The following GNB3 variants were observed in gnomAD, a reference collection of about 807,000 sequenced individuals.
The protein encoded by GNB3 is guanine nucleotide-binding protein G(I)/G(S)/G(T) subunit beta-3.
A neutral mutation model predicts 41.2 loss-of-function variants in GNB3; 33 were observed. That is an observed-to-expected ratio of 0.80 (90% CI 0.61 to 1.07). The LOEUF (loss-of-function observed/expected upper bound fraction) is 1.07. Among genes scored for constraint, GNB3 ranks in the 50% least tolerant of loss-of-function variants. The pLI, the probability that GNB3 is intolerant of heterozygous loss-of-function variation, is 0.00. For synonymous variants in GNB3, 172 were observed against 173.4 expected, an observed-to-expected ratio of 0.99 and a Z score of 0.06; for missense variants, 409 against 455.3, an observed-to-expected ratio of 0.90 and a Z score of 0.92.
chr12:6,844,984 GCCTCAAAAAT>G (rs1565519816), intron 8 of GNB3: 1 of 152,234 alleles, frequency 6.6e-6, no homozygotes, highest in Admixed American at 6.5e-5. Flanking sequence ...TTCACCAATA[GCCTCAAAAAT>G]GTCCATAATA....
Position 6,842,977 on chromosome 12 carries a change from C to T in GNB3, c.104C>T (p.Ser35Phe). ...CADVTLAELV[S>F]GLEVVGRVQM... ...GTGCCCCTCTCTCTGCAGCTGGTGTCTGGCCTAGAGGTGGTGGGACGAGTC... is the reference window on the plus strand; with the variant it reads ...GTGCCCCTCTCTCTGCAGCTGGTGTTTGGCCTAGAGGTGGTGGGACGAGTC... Residue 35 changes from serine (S) to phenylalanine (F), a missense_variant, in exon 4 of 10, where the codon TCT becomes TTT. Physicochemically the swap from Ser to Phe is radical, Grantham distance 155 (BLOSUM62 -2). Transcript: ENST00000229264. 6.5e-7 allele frequency: 1 copy of T among 1,535,916 alleles called. No individual in the cohort carries two copies. The highest frequency in any genetic ancestry group is 1.3e-5 in the South Asian group (1 of 79,688).
At chr12:6,845,965 A>G (rs1943688876) in intron 9 of GNB3, 163 bp downstream of exon 9, 4 of 617,220 alleles carry the variant, frequency 6.5e-6, no homozygotes, top group South Asian at 1.9e-5. Flanking sequence ...TTGGTTCCCA[A>G]CTAGGACTGT....
In GNB3 at chr12:6,840,974, A is replaced by C; in HGVS notation, c.-90A>C. The C allele has an allele frequency of 2.2e-6, 1 of 454,356 alleles. No individual in the cohort carries two copies. 28.1% of individuals were successfully genotyped at this position (454,356 alleles called of 1,614,324 possible). A position where few individuals can be genotyped will look rare whatever the true frequency, so the allele number is the denominator to read the frequency against. The stretch of plus-strand genomic sequence containing the variant: ...CGGGCGCGGGCGTCGCAGCTGAGGG[A>C]GTAAGGAGGCTCCCAGGAACCGGAG... On this transcript the variant is annotated 5_prime_UTR_variant, in exon 1 of 10. Coordinates refer to ENST00000229264, the MANE Select transcript of GNB3 (RefSeq NM_002075.4).
intron 3 of GNB3, among the ~76,000 whole-genome samples, chr12:6,842,522 G>C (rs782776645): frequency 6.6e-6 from 1 of 152,230 alleles, no homozygotes; most frequent in Non-Finnish European, 1.5e-5. Flanking sequence ...ACAGATTTCA[G>C]GAGGTACAGT....
In GNB3 at chr12:6,843,932, G is replaced by A. The variant is rs782673755; in HGVS notation, c.653G>A (p.Cys218Tyr). ...CTCTGGGATGTGCGAGAGGGGACCT[G>A]CCGTCAGACTTTCACTGGCCACGAG... ...AKLWDVREGT[C>Y]RQTFTGHESD... Residue 218 changes from cysteine (C) to tyrosine (Y), a missense_variant, in exon 8 of 10, where the codon TGC (cysteine) becomes TAC (tyrosine). Cys to Tyr is a radical substitution (Grantham distance 194). Transcript: ENST00000229264. This position sits in a 1 kb window ranked among gnomAD's most constrained non-coding sequence, Gnocchi z 5.9. The A allele has an allele frequency of 1.2e-6, 2 of 1,613,876 alleles. No homozygotes were observed. The highest frequency in any genetic ancestry group is 1.1e-5 in the South Asian group (1 of 91,070).
chr12:6,843,096 C>T lies in GNB3; in HGVS notation c.203+20C>T, dbSNP rs781784104. ...TTCTAAGTGAGGCTTGGGGGGGAAC[C>T]GAGAATGGGAGGGTGAGAGCGGGAG... is the stretch of plus-strand genomic sequence containing the variant. On this transcript the variant is annotated intron_variant, in intron 4 of 9. Transcript: ENST00000229264. This position sits in a 1 kb window ranked among gnomAD's most constrained non-coding sequence, Gnocchi z 5.9. The T allele has an allele frequency of 7.9e-5, 126 of 1,601,422 alleles. No individual in the cohort carries two copies. The highest frequency in any genetic ancestry group is 8.6e-5 in the Non-Finnish European group (101 of 1,169,458).
chr12:6,843,421 G>A lies in GNB3; in HGVS notation c.326G>A (p.Gly109Glu). 1 of 1,614,082 alleles carries A rather than the reference G, an allele frequency of 6.2e-7. No homozygotes were observed. The highest frequency in any genetic ancestry group is 8.5e-7 in the Non-Finnish European group (1 of 1,179,914). ...WVMTCAYAPS[G>E]NFVACGGLDN... is the part of the protein sequence containing the mutation. Reference sequence around the variant, plus strand: ...ATGACCTGTGCCTATGCCCCATCAGGGAACTTTGTGGCATGTGGGGGGCTG... The same window carrying A: ...ATGACCTGTGCCTATGCCCCATCAGAGAACTTTGTGGCATGTGGGGGGCTG... Residue 109 changes from glycine to glutamate, a missense_variant, in exon 6 of 10, where the codon GGG becomes GAG. Gly to Glu is a moderately conservative substitution (Grantham distance 98). Transcript: ENST00000229264. This position sits in a 1 kb window ranked among gnomAD's most constrained non-coding sequence, Gnocchi z 5.9.
intron 2 of GNB3, 120 bp from the exon 3 acceptor site, chr12:6,841,466 C>A: frequency 8.3e-7 from 1 of 1,197,960 alleles, no homozygotes; most frequent in Non-Finnish European, 1.2e-6. Flanking sequence ...ACTTTCTAAA[C>A]TTGGTTCGCA....
At position 6,846,935 on chromosome 12, in the gene GNB3, C is replaced by A; in HGVS notation, c.*37C>A. 8.5e-7 allele frequency: 1 copy of A among 1,177,528 alleles called. No homozygotes were observed. Among genetic ancestry groups the A allele is most frequent in the Non-Finnish European group, 1.2e-6 (1 of 804,438 alleles). 72.9% of individuals were successfully genotyped at this position (1,177,528 alleles called of 1,614,324 possible). On this transcript the variant is annotated 3_prime_UTR_variant, in exon 10 of 10. Coordinates refer to ENST00000229264, the MANE Select transcript of GNB3 (RefSeq NM_002075.4). ...AAAGGGAAGTGGAAGGCAGTGAACA[C>A]ACTCAGCAGCCCCCTGCCCGACCCC...
At chr12:6,842,920 C>G in intron 3 of GNB3, 50 bp from the exon 4 acceptor site, 1 of 1,216,166 alleles carries the variant, frequency 8.2e-7, no homozygotes, top group Non-Finnish European at 1.2e-6. Flanking sequence ...TGACAGACAT[C>G]TGGGCACGTA....
At chr12:6,845,874 C>T in intron 9 of GNB3, 72 bp downstream of exon 9, 1 of 1,028,952 alleles carries the variant, frequency 9.7e-7, no homozygotes, top group Non-Finnish European at 1.5e-6. Context: ...CCATTCTGTA[C>T]CCCCCATCAG....
At chr12:6,844,346 C>G (rs1430550260) in intron 8 of GNB3, among the ~76,000 whole-genome samples, 1 of 151,948 alleles carries the variant, frequency 6.6e-6, no homozygotes, top group Non-Finnish European at 1.5e-5. Flanking sequence ...AGGTGATCCT[C>G]CCACCTCAGC....
Position 6,840,939 on chromosome 12 carries a change from A to T in GNB3, c.-125A>T, listed in dbSNP as rs751757865. 1.4e-4 allele frequency: 46 copies of T among 332,384 alleles called. No homozygotes were observed. Among genetic ancestry groups the T allele is most frequent in the Non-Finnish European group, 2.4e-4 (43 of 177,840 alleles). The allele number at this position is 332,384 out of a possible 1,614,324, so 20.6% of individuals were successfully genotyped here. A position where few individuals can be genotyped will look rare whatever the true frequency, so the allele number is the denominator to read the frequency against. Reference sequence around the variant, plus strand: ...GCTCCTCTGGCAGCAGAGCCTGGGCAGGTGACGGGCGGGCGCGGGCGTCGC... The same window carrying T: ...GCTCCTCTGGCAGCAGAGCCTGGGCTGGTGACGGGCGGGCGCGGGCGTCGC... On this transcript the variant is annotated 5_prime_UTR_variant, in exon 1 of 10. Transcript: ENST00000229264.
At chr12:6,842,688 T>C (rs1444894392) in intron 3 of GNB3, among the ~76,000 whole-genome samples, 1 of 152,174 alleles carries the variant, frequency 6.6e-6, no homozygotes, top group Admixed American at 6.6e-5. Context: ...TGGAAACTGG[T>C]CAAAGTGCAA....
chr12:6,845,818 G>T lies in GNB3; in HGVS notation c.916+16G>T. 1 of 1,581,012 alleles carries T rather than the reference G, an allele frequency of 6.3e-7. No homozygotes were observed. Among genetic ancestry groups the T allele is most frequent in the Non-Finnish European group, 8.7e-7 (1 of 1,150,300 alleles). On this transcript the variant is annotated intron_variant, in intron 9 of 9. Coordinates refer to ENST00000229264, the MANE Select transcript of GNB3 (RefSeq NM_002075.4). Reference sequence around the variant, plus strand: ...GAGCGTGTGGGTAAGGGCCAGCCCTGGCTGCTGCTTCCTCAGCTGGAAGGA... The same window carrying T: ...GAGCGTGTGGGTAAGGGCCAGCCCTTGCTGCTGCTTCCTCAGCTGGAAGGA...
intron 2 of GNB3, 98 bp from the exon 3 acceptor site, chr12:6,841,488 C>A (rs1943572895): frequency 1.7e-6 from 2 of 1,211,814 alleles, no homozygotes; most frequent in Admixed American, 1.9e-5. Flanking sequence ...ATTTGAGACC[C>A]CCAAGCCCCA....
At chr12:6,844,703 G>C (rs1006284085) in intron 8 of GNB3, 1 of 152,222 alleles carries the variant, frequency 6.6e-6, no homozygotes, top group Non-Finnish European at 1.5e-5. Context: ...TTACAGGCAT[G>C]AGCCACCACG....
At position 6,843,016 on chromosome 12, in the gene GNB3, G is replaced by A. The variant is rs1555123709; in HGVS notation, c.143G>A (p.Arg48Gln). The change falls in exon 4 of 10, where the codon CGG becomes CAG. Residue 48 changes from arginine to glutamine, a missense_variant. Arg to Gln is a conservative substitution (Grantham distance 43). Coordinates refer to ENST00000229264, the MANE Select transcript of GNB3 (RefSeq NM_002075.4). This position sits in a 1 kb window ranked among gnomAD's most constrained non-coding sequence, Gnocchi z 5.9. ...EVVGRVQMRT[R>Q]RTLRGHLAKI... Reference sequence around the variant, plus strand: ...GTGGGACGAGTCCAGATGCGGACGCGGCGGACGTTAAGGGGACACCTGGCC... The same window carrying A: ...GTGGGACGAGTCCAGATGCGGACGCAGCGGACGTTAAGGGGACACCTGGCC... 4.5e-6 allele frequency: 7 copies of A among 1,567,630 alleles called. No individual in the cohort carries two copies. The highest frequency in any genetic ancestry group is 3.6e-5 in the South Asian group (3 of 83,752).
At chr12:6,841,672 G>A (rs988593831) in intron 3 of GNB3, 48 bp downstream of exon 3, 19 of 1,423,570 alleles carry the variant, frequency 1.3e-5, no homozygotes, top group Non-Finnish European at 1.8e-5. Context: ...GGAGGGGAAG[G>A]GAGCTCCCCG....
Sources: allele counts gnomAD v4.1 joint callset (sites outside exome capture counted in the v4.1 genomes callset), GRCh38; gene constraint gnomAD v4.1.1; non-coding constraint Gnocchi (gnomAD v3.1); transcripts MANE v1.5; gene names NCBI Gene and HGNC (gene_info 2026-07-23, HGNC 2026-07-21).